The following TMEM178B variants were observed in gnomAD, a reference collection of about 807,000 sequenced individuals.
TMEM178B encodes the protein transmembrane protein 178B.
A neutral mutation model predicts 31.0 loss-of-function variants in TMEM178B; 5 were observed. The ratio of observed to expected loss-of-function variants is 0.16; its 90% CI spans 0.08 to 0.34. The LOEUF is 0.34. Ranked by LOEUF, TMEM178B falls within the 10% of genes least tolerant of loss-of-function variation. The pLI is 1.00. For synonymous variants in TMEM178B, 164 were observed against 164.0 expected, an observed-to-expected ratio of 1.00 and a Z score of 0.00; for missense variants, 275 against 400.3, an observed-to-expected ratio of 0.69 and a Z score of 2.67.
chr7:141,341,140 G>C (rs76894485), intron 2 of TMEM178B, among the ~76,000 whole-genome samples: 1,601 of 152,286 alleles, frequency 0.011, 16 homozygotes, highest in Non-Finnish European at 0.016. Flanking sequence ...CCCGTTTGGA[G>C]TTATCTGCAC....
chr7:141,495,327 G>A, the TMEM178B span, among the ~76,000 whole-genome samples: 1 of 152,158 alleles, frequency 6.6e-6, no homozygotes, highest in East Asian at 1.9e-4. Flanking sequence ...AAGCACAACC[G>A]TGCTCTCATC....
intron 1 of TMEM178B, among the ~76,000 whole-genome samples, chr7:141,081,631 C>A: frequency 6.8e-6 from 1 of 146,932 alleles, no homozygotes. Context: ...AGTGAAACTC[C>A]ATCTCAAAAA....
chr7:141,394,233 G>A (rs769390983), intron 2 of TMEM178B, among the ~76,000 whole-genome samples: 1 of 152,246 alleles, frequency 6.6e-6, no homozygotes, highest in African/African-American at 2.4e-5. Context: ...CTCCGTGACA[G>A]CTTCTTCACC....
chr7:141,401,228 C>T (rs1032667964), intron 2 of TMEM178B, among the ~76,000 whole-genome samples: 4 of 152,022 alleles, frequency 2.6e-5, no homozygotes, highest in African/African-American at 7.3e-5. Context: ...ATGAGGGAAC[C>T]CACTAAGATG....
chr7:141,217,139 A>T (rs1272756165), intron 2 of TMEM178B, among the ~76,000 whole-genome samples: 2 of 152,176 alleles, frequency 1.3e-5, no homozygotes, highest in South Asian at 4.1e-4. Context: ...ATGTCTTTAT[A>T]TGCTTTTCAT....
At chr7:141,441,054 A>T (rs969895902) in intron 3 of TMEM178B, among the ~76,000 whole-genome samples, 1 of 152,190 alleles carries the variant, frequency 6.6e-6, no homozygotes, top group Non-Finnish European at 1.5e-5. Context: ...TTCTCTAGTT[A>T]GGGTTCTTTC....
chr7:141,371,426 A>T (rs1455144124), intron 2 of TMEM178B, among the ~76,000 whole-genome samples: 1 of 152,190 alleles, frequency 6.6e-6, no homozygotes, highest in Non-Finnish European at 1.5e-5. Flanking sequence ...CGCAGACACC[A>T]GTGCCGTGCT....
At chr7:141,360,742 T>A (rs531416074) in intron 2 of TMEM178B, among the ~76,000 whole-genome samples, 2 of 152,198 alleles carry the variant, frequency 1.3e-5, no homozygotes, top group Non-Finnish European at 2.9e-5. Context: ...CTTAACTGAT[T>A]TGGGCTTAAA....
intron 1 of TMEM178B, among the ~76,000 whole-genome samples, chr7:141,137,097 T>G (rs1019110802): frequency 6.6e-6 from 1 of 152,168 alleles, no homozygotes; most frequent in African/African-American, 2.4e-5. Flanking sequence ...AAGGGAATTC[T>G]TATATGCTGT....
intron 2 of TMEM178B, among the ~76,000 whole-genome samples, chr7:141,283,382 C>A (rs1236186598): frequency 6.6e-6 from 1 of 152,136 alleles, no homozygotes; most frequent in Non-Finnish European, 1.5e-5. Flanking sequence ...GGGAAGCAGA[C>A]GGTGAATTTC....
intron 1 of TMEM178B, among the ~76,000 whole-genome samples, chr7:141,102,589 G>A (rs552519061): frequency 6.6e-6 from 1 of 152,312 alleles, no homozygotes; most frequent in South Asian, 2.1e-4. Context: ...TAGTTTCTAA[G>A]CATATGCAGG....
chr7:141,271,112 C>CA (rs1798173695), intron 2 of TMEM178B, among the ~76,000 whole-genome samples: 1 of 152,170 alleles, frequency 6.6e-6, no homozygotes, highest in South Asian at 2.1e-4. Flanking sequence ...CCCTGAGTAA[C>CA]AGAGGAGTCC....
At chr7:141,307,926 G>A (rs1798842181) in intron 2 of TMEM178B, among the ~76,000 whole-genome samples, 1 of 152,200 alleles carries the variant, frequency 6.6e-6, no homozygotes, top group African/African-American at 2.4e-5. Context: ...GATGATTAGT[G>A]ATTGTTTTTG....
chr7:141,385,911 C>A (rs1238742676), intron 2 of TMEM178B, among the ~76,000 whole-genome samples: 2 of 152,214 alleles, frequency 1.3e-5, no homozygotes, highest in Non-Finnish European at 2.9e-5. Flanking sequence ...TTTGGCCCCA[C>A]CTGGGCCTGG....
intron 1 of TMEM178B, among the ~76,000 whole-genome samples, chr7:141,135,901 A>G (rs1795668309): frequency 6.6e-6 from 1 of 152,224 alleles, no homozygotes; most frequent in East Asian, 1.9e-4. Flanking sequence ...AAAAAATACA[A>G]AGGATCAGTG....
intron 1 of TMEM178B, among the ~76,000 whole-genome samples, chr7:141,190,424 A>G (rs1199322680): frequency 1.3e-5 from 2 of 151,706 alleles, no homozygotes; most frequent in East Asian, 3.9e-4. Context: ...AGAAATCCCC[A>G]TGCTTCAGTC....
chr7:141,137,007 A>G (rs1414531774), intron 1 of TMEM178B, among the ~76,000 whole-genome samples: 1 of 152,248 alleles, frequency 6.6e-6, no homozygotes, highest in Non-Finnish European at 1.5e-5. Flanking sequence ...AGTGTGTGAA[A>G]TATAATATCA....
intron 2 of TMEM178B, among the ~76,000 whole-genome samples, chr7:141,363,662 G>A (rs1217835291): frequency 6.6e-6 from 1 of 152,164 alleles, no homozygotes; most frequent in Admixed American, 6.5e-5. Flanking sequence ...CTTCAGAAGT[G>A]GAAAACAGAG....
At chr7:141,264,441 G>A (rs1407270418) in intron 2 of TMEM178B, among the ~76,000 whole-genome samples, 1 of 152,210 alleles carries the variant, frequency 6.6e-6, no homozygotes, top group East Asian at 1.9e-4. Context: ...GTGTTCTGGA[G>A]CTGTAGGAGG....
Sources: gnomAD v4.1 joint callset for allele counts (sites outside exome capture counted in the v4.1 genomes callset) on GRCh38, gnomAD v4.1.1 for gene constraint, MANE v1.5 for transcripts, NCBI Gene and HGNC (gene_info 2026-07-23, HGNC 2026-07-21) for gene names.